The following FMN1 variants were observed in gnomAD, a reference collection of about 807,000 sequenced individuals.
The protein encoded by FMN1 is formin-1.
A neutral mutation model predicts 132.4 loss-of-function variants in FMN1; 110 were observed. The observed-to-expected ratio is 0.83, with a 90% CI of 0.71 to 0.97. FMN1 has a LOEUF of 0.97. FMN1 is among the 50% of genes least tolerant of loss of function. The pLI, the probability that FMN1 is intolerant of heterozygous loss-of-function variation, is 0.00. For synonymous variants in FMN1, 722 were observed against 651.7 expected (o/e 1.11, Z -1.64); for missense variants, 1,792 against 1,705.3 (o/e 1.05, Z -0.90).
chr15:33,048,644 A>AAAACAAAAAAAAAACAAAAAC (rs1555388956), intron 6 of FMN1, among the ~76,000 whole-genome samples: 3,061 of 86,922 alleles, frequency 0.035, 466 homozygotes, highest in Non-Finnish European at 0.05. Flanking sequence ...AAAAAAAAAA[A>AAAACAAAAAAAAAACAAAAAC]AAAAACCAAC....
chr15:33,124,299 A>G (rs189732112), intron 4 of FMN1, among the ~76,000 whole-genome samples: 33 of 152,344 alleles, frequency 2.2e-4, no homozygotes, highest in African/African-American at 7.9e-4. Context: ...TCTGAGACAT[A>G]AAAGTGAGAA....
At chr15:33,103,779 C>G (rs148186813) in intron 4 of FMN1, among the ~76,000 whole-genome samples, 1 of 152,104 alleles carries the variant, frequency 6.6e-6, no homozygotes, top group Non-Finnish European at 1.5e-5. Context: ...TATTCTATTA[C>G]ACCTTGAATT....
chr15:32,935,059 T>C (rs1302693879), intron 9 of FMN1, among the ~76,000 whole-genome samples: 2 of 151,688 alleles, frequency 1.3e-5, no homozygotes, highest in African/African-American at 4.8e-5. Context: ...GTACCTGAGA[T>C]TACAGGCACG....
intron 6 of FMN1, among the ~76,000 whole-genome samples, chr15:33,056,957 C>G (rs2037244823): frequency 6.6e-6 from 1 of 152,114 alleles, no homozygotes; most frequent in African/African-American, 2.4e-5. Flanking sequence ...CAGGCGATCA[C>G]TGGAGGTCAG....
intron 19 of FMN1, among the ~76,000 whole-genome samples, chr15:32,797,577 A>G (rs2140972509): frequency 6.6e-6 from 1 of 152,180 alleles, no homozygotes; most frequent in East Asian, 1.9e-4. Flanking sequence ...TCAACGACCT[A>G]TTTTCTCAAC....
chr15:33,080,662 G>A (rs1055920478), intron 5 of FMN1, among the ~76,000 whole-genome samples: 15 of 152,146 alleles, frequency 9.9e-5, no homozygotes, highest in South Asian at 4.1e-4. Context: ...TGAGGTGGGC[G>A]GATCACCTGA....
At chr15:33,080,869 A>G (rs940097050) in intron 5 of FMN1, among the ~76,000 whole-genome samples, 4 of 151,658 alleles carry the variant, frequency 2.6e-5, no homozygotes, top group Admixed American at 1.3e-4. Flanking sequence ...CCTGGGCAAC[A>G]AAAGCAAAAC....
chr15:32,880,040 C>T (rs1029567168), intron 16 of FMN1, among the ~76,000 whole-genome samples: 4 of 147,106 alleles, frequency 2.7e-5, no homozygotes, highest in Non-Finnish European at 5.9e-5. Context: ...ATGTCTCTAA[C>T]AAGCTTCTAT....
intron 16 of FMN1, among the ~76,000 whole-genome samples, chr15:32,863,709 C>T (rs2059329580): frequency 6.6e-6 from 1 of 152,188 alleles, no homozygotes; most frequent in Admixed American, 6.5e-5. Context: ...TACTTTAATC[C>T]CTTTAGTAAG....
At chr15:32,841,580 T>TTAA (rs1315385467) in intron 17 of FMN1, among the ~76,000 whole-genome samples, 1 of 152,184 alleles carries the variant, frequency 6.6e-6, no homozygotes, top group Non-Finnish European at 1.5e-5. Flanking sequence ...GGACTTTATA[T>TTAA]TAAAGTCCTA....
Position 32,910,503 on chromosome 15 carries a change from G to A in FMN1, c.3259C>T (p.Leu1087=), listed in dbSNP as rs1390729344. 1 of 1,579,782 alleles carries A rather than the reference G, an allele frequency of 6.3e-7. No individual in the cohort carries two copies. Among genetic ancestry groups the A allele is most frequent in the Non-Finnish European group, 8.6e-7 (1 of 1,162,284 alleles). The change falls in exon 11 of 21, where the codon CTG becomes TTG. Residue 1087 remains leucine (L), a synonymous_variant. Transcript: ENST00000616417. ...IFNVDDSVVD[L]ETLAALYENR... ...TCATATAAGGCTGCCAGGGTCTCCA[G>A]ATCAACCACGGAGTCATCCACATTG...
At chr15:32,793,534 G>A (rs547568468) in intron 19 of FMN1, among the ~76,000 whole-genome samples, 113 of 152,222 alleles carry the variant, frequency 7.4e-4, no homozygotes, top group South Asian at 3.1e-3. Context: ...ACCCACCTCC[G>A]CCTCCCAAAG....
chr15:33,132,259 A>C (rs970562960), intron 4 of FMN1, among the ~76,000 whole-genome samples: 15 of 152,162 alleles, frequency 9.9e-5, no homozygotes, highest in African/African-American at 3.4e-4. Flanking sequence ...TATTTTCAAT[A>C]AATCAGCACT....
chr15:33,017,175 G>C (rs1313448010), intron 6 of FMN1, among the ~76,000 whole-genome samples: 1 of 151,824 alleles, frequency 6.6e-6, no homozygotes, highest in Admixed American at 6.6e-5. Flanking sequence ...CTTGGGAGGA[G>C]GGAGGAATCA....
chr15:33,141,067 G>T (rs1963990875), intron 4 of FMN1, among the ~76,000 whole-genome samples: 1 of 152,048 alleles, frequency 6.6e-6, no homozygotes, highest in Non-Finnish European at 1.5e-5. Context: ...CTAATTATCA[G>T]TCATAATAGC....
At chr15:32,945,622 G>A (rs1397094543) in intron 9 of FMN1, among the ~76,000 whole-genome samples, 1 of 152,172 alleles carries the variant, frequency 6.6e-6, no homozygotes, top group Admixed American at 6.6e-5. Flanking sequence ...ATGGGCAACA[G>A]AAAAGTTATT....
At chr15:32,969,517 T>C (rs1160280363) in intron 7 of FMN1, 40 bp from the exon 8 acceptor site, 1 of 1,591,230 alleles carries the variant, frequency 6.3e-7, no homozygotes, top group African/African-American at 1.3e-5. Flanking sequence ...AATGAGTTTA[T>C]TAAGAACAAA....
At chr15:32,823,362 CA>C (rs986507875) in intron 17 of FMN1, among the ~76,000 whole-genome samples, 101 of 151,798 alleles carry the variant, frequency 6.7e-4, no homozygotes, top group African/African-American at 2.3e-3. Flanking sequence ...GACAGGGTTT[CA>C]CGGTGTTAGC....
chr15:33,089,014 CAAATAAAT>C, intron 4 of FMN1, 40 bp from the exon 5 acceptor site: 3 of 1,481,352 alleles, frequency 2.0e-6, no homozygotes, highest in Non-Finnish European at 2.7e-6. Context: ...ACATGGCAGC[CAAATAAAT>C]AAATAAATAA....
Sources: allele counts gnomAD v4.1 joint callset (sites outside exome capture counted in the v4.1 genomes callset), GRCh38; gene constraint gnomAD v4.1.1; transcripts MANE v1.5; gene names NCBI Gene and HGNC (gene_info 2026-07-23, HGNC 2026-07-21).